NARS1: variants seen among roughly 807,000 people sequenced by gnomAD.
NARS1 encodes asparaginyl-tRNA synthetase 1, also known as asparagine--tRNA ligase, cytoplasmic.
Under a neutral mutation model 79.2 loss-of-function variants are expected in NARS1, and 65 were observed. The ratio of observed to expected loss-of-function variants is 0.82; its 90% CI spans 0.67 to 1.01. NARS1 has a LOEUF of 1.01. Among genes scored for constraint, NARS1 ranks in the 50% least tolerant of loss-of-function variants. The pLI is 0.00. For synonymous variants in NARS1, 229 were observed against 238.8 expected, an observed-to-expected ratio of 0.96 and a Z score of 0.38; for missense variants, 649 against 673.8, an observed-to-expected ratio of 0.96 and a Z score of 0.41.
At chr18:57,613,870 A>C (rs186642083) in intron 4 of NARS1, among the ~76,000 whole-genome samples, 190 bp from the exon 5 acceptor site, 24 of 152,360 alleles carry the variant, frequency 1.6e-4, no homozygotes, top group South Asian at 1.2e-3. Context: ...CAAAACAAAA[A>C]AAAATCCAAG....
chr18:57,619,287 T>C (rs997178543), intron 2 of NARS1, among the ~76,000 whole-genome samples: 1 of 133,930 alleles, frequency 7.5e-6, no homozygotes, highest in Admixed American at 7.5e-5. Flanking sequence ...TTTTTTTTTT[T>C]GGTAGTTGGC....
chr18:57,621,559 A>T (rs1180764835), intron 1 of NARS1, 149 bp downstream of exon 1: 4 of 377,318 alleles, frequency 1.1e-5, no homozygotes, highest in Admixed American at 3.1e-5. Flanking sequence ...AAAGGCCAGC[A>T]CCCTCCCTCC....
rs774597440 is a variant in NARS1 at position 57,602,819 on chromosome 18, G to A, written c.1376C>T (p.Thr459Ile). ...MQRCPEDSRL[T>I]ESVDVLMPNV... ...TTTGAAACAGAAACTGACAGATTCA[G>A]TAAGACGGGAATCCTCAGGACATCG... Residue 459 changes from threonine to isoleucine, a missense_variant, in exon 12 of 14, where the codon ACT (threonine) becomes ATT (isoleucine). Transcript: ENST00000256854. 36 of 1,613,866 alleles carry A rather than the reference G, an allele frequency of 2.2e-5. No individual in the cohort carries two copies. The highest frequency in any genetic ancestry group is 2.9e-5 in the Non-Finnish European group (34 of 1,179,960).
At position 57,615,897 on chromosome 18, in the gene NARS1, T is replaced by G. The variant is rs1487562123; in HGVS notation, c.172A>C (p.Ile58Leu). The G allele has an allele frequency of 6.2e-7, 1 of 1,613,242 alleles. No individual in the cohort carries two copies. The highest frequency in any genetic ancestry group is 1.1e-5 in the South Asian group (1 of 90,886). Residue 58 changes from isoleucine to leucine, a missense_variant, in exon 3 of 14, where the codon ATT (isoleucine) becomes CTT (leucine). By Grantham distance (5) the Ile-to-Leu change is conservative (BLOSUM62 2). Coordinates refer to ENST00000256854, the MANE Select transcript of NARS1 (RefSeq NM_004539.4). ...SQKENERWNVISKSQLKNIKK... is the reference protein window; with the variant it reads ...SQKENERWNVLSKSQLKNIKK... ...ATGTTCTTCAACTGTGATTTAGAAA[T>G]AACATTCCACCTCTCATTTTCTTTT... is the stretch of plus-strand genomic sequence containing the variant.
intron 2 of NARS1, among the ~76,000 whole-genome samples, chr18:57,619,702 T>G (rs1908222254): frequency 6.6e-6 from 1 of 151,974 alleles, no homozygotes; most frequent in Admixed American, 6.6e-5. Context: ...TCCAAGCCCT[T>G]TTTTTGTTTT....
At chr18:57,611,441 A>G (rs550486800) in intron 6 of NARS1, among the ~76,000 whole-genome samples, 196 bp downstream of exon 6, 1 of 152,310 alleles carries the variant, frequency 6.6e-6, no homozygotes, top group African/African-American at 2.4e-5. Flanking sequence ...ATTTTCCACA[A>G]AAGTTTTCTC....
At chr18:57,612,164 A>G (rs1472335920) in intron 5 of NARS1, among the ~76,000 whole-genome samples, 1 of 152,170 alleles carries the variant, frequency 6.6e-6, no homozygotes, top group Admixed American at 6.5e-5. Context: ...ACTACTCAGT[A>G]TTTGTAAAAT....
At chr18:57,607,896 C>T (rs1394373604) in intron 7 of NARS1, among the ~76,000 whole-genome samples, 1 of 147,444 alleles carries the variant, frequency 6.8e-6, no homozygotes, top group Non-Finnish European at 1.5e-5. Flanking sequence ...GAGACGGAGT[C>T]TCACTCTGTC....
At chr18:57,605,620 AAAAAAAAAG>A (rs1200478955) in intron 11 of NARS1, among the ~76,000 whole-genome samples, 1 of 151,286 alleles carries the variant, frequency 6.6e-6, no homozygotes, top group African/African-American at 2.4e-5. Context: ...CAAAAAAAAA[AAAAAAAAAG>A]AAAAAAAAAG....
At chr18:57,606,197 C>T (rs556843061) in intron 10 of NARS1, among the ~76,000 whole-genome samples, 4 of 151,444 alleles carry the variant, frequency 2.6e-5, no homozygotes, top group African/African-American at 9.7e-5. Flanking sequence ...AAAAATACAA[C>T]AATTAGCTGG....
At chr18:57,619,823 G>A (rs1599042122) in intron 2 of NARS1, among the ~76,000 whole-genome samples, 1 of 151,988 alleles carries the variant, frequency 6.6e-6, no homozygotes, top group Non-Finnish European at 1.5e-5. Flanking sequence ...GAGTAGCTGG[G>A]ACCACAGGCA....
At position 57,606,639 on chromosome 18, in the gene NARS1, T is replaced by C; in HGVS notation, c.1114A>G (p.Ser372Gly). Residue 372 changes from serine (S) to glycine (G), a missense_variant, in exon 10 of 14, where the codon AGC (serine) becomes GGC (glycine). Ser to Gly is a moderately conservative substitution (Grantham distance 56, BLOSUM62 0). Transcript: ENST00000256854. ...VDRILKSPAG[S>G]IVHELNPNFQ... The stretch of plus-strand genomic sequence containing the variant: ...ACCGGGTTGAGCTCATGCACTATGC[T>C]CCCTGCAGGTGACTTCAATATTCGA... 1.9e-6 allele frequency: 3 copies of C among 1,614,040 alleles called. No homozygotes were observed. Among genetic ancestry groups the C allele is most frequent in the Non-Finnish European group, 2.5e-6 (3 of 1,179,960 alleles).
chr18:57,613,556 C>T, intron 5 of NARS1, 46 bp downstream of exon 5: 1 of 1,469,010 alleles, frequency 6.8e-7, no homozygotes, highest in African/African-American at 1.4e-5. Flanking sequence ...CATCTAAGAG[C>T]AGGGATATTT....
At chr18:57,606,580 A>G (rs752805320) in intron 10 of NARS1, 36 bp downstream of exon 10, 1 of 1,584,050 alleles carries the variant, frequency 6.3e-7, no homozygotes, top group Admixed American at 1.7e-5. Flanking sequence ...CCAAAAAAGG[A>G]CTGTGACTTT....
chr18:57,612,725 C>CGCACCTGGCCTGTCCCACT (rs1409146842), intron 5 of NARS1, among the ~76,000 whole-genome samples: 1 of 152,186 alleles, frequency 6.6e-6, no homozygotes, highest in East Asian at 1.9e-4. Context: ...CGTGAGCCAC[C>CGCACCTGGCCTGTCCCACT]GCACCTGGCC....
rs1399818912 is a variant in NARS1, at chr18:57,600,815, T to TG, written c.*836dup. ...GCACAGATTAGATCTAAGGACATGG[T>TG]GGGGGCAACTCAAACAGCCACTCAC... On this transcript the variant is annotated 3_prime_UTR_variant, in exon 14 of 14. Transcript: ENST00000256854. The TG allele has an allele frequency of 2.0e-5, 3 of 152,178 alleles. No homozygotes were observed. The highest frequency in any genetic ancestry group is 2.0e-4 in the Admixed American group (3 of 15,274). The allele number at this position is 152,178 out of a possible 1,614,324, so 9.4% of individuals were successfully genotyped here. A position where few individuals can be genotyped will look rare whatever the true frequency, so the allele number is the denominator to read the frequency against.
At chr18:57,606,573 A>C in intron 10 of NARS1, 43 bp downstream of exon 10, 1 of 1,580,750 alleles carries the variant, frequency 6.3e-7, no homozygotes, top group Admixed American at 1.7e-5. Flanking sequence ...TTGTCTTCCA[A>C]AAAAGGACTG....
intron 2 of NARS1, among the ~76,000 whole-genome samples, chr18:57,619,173 C>A (rs1397757104): frequency 6.6e-6 from 1 of 150,896 alleles, no homozygotes. Context: ...CGGCTCACTG[C>A]AGCCTCAACC....
At position 57,602,276 on chromosome 18, in the gene NARS1, C is replaced by T; in HGVS notation, c.1515+79G>A. ...AAATACCAAAGTACTACCCTGAATT[C>T]TCCCCTTTTAAAAATTTCAATATAT... is the stretch of plus-strand genomic sequence containing the variant. On this transcript the variant is annotated intron_variant, in intron 13 of 13. Transcript: ENST00000256854. The T allele has an allele frequency of 3.7e-6, 5 of 1,347,110 alleles. No homozygotes were observed. In the South Asian group the frequency reaches 5.5e-5, roughly 15 times the overall value. 83.4% of individuals were successfully genotyped at this position (1,347,110 alleles called of 1,614,324 possible).
Sources: gnomAD v4.1 joint callset for allele counts (sites outside exome capture counted in the v4.1 genomes callset) on GRCh38, gnomAD v4.1.1 for gene constraint, MANE v1.5 for transcripts, NCBI Gene and HGNC (gene_info 2026-07-23, HGNC 2026-07-21) for gene names.